The following COL1A1 variants were observed in gnomAD, a reference collection of about 807,000 sequenced individuals.
COL1A1 encodes collagen type I alpha 1 chain.
COL1A1 carries 21 observed loss-of-function variants against 195.7 expected under a neutral mutation model. The observed-to-expected ratio is 0.11, with a 90% CI of 0.08 to 0.15. COL1A1 has a LOEUF of 0.15. Among genes scored for constraint, COL1A1 ranks in the 10% least tolerant of loss-of-function variants. COL1A1 has a pLI of 1.00. For synonymous variants in COL1A1, 749 were observed against 747.3 expected, an observed-to-expected ratio of 1.00 and a Z score of -0.04; for missense variants, 1,365 against 2,051.0, an observed-to-expected ratio of 0.67 and a Z score of 6.46.
chr17:50,191,114 G>A lies in COL1A1; in HGVS notation c.2236-190C>T, dbSNP rs558967483. Among the ~76,000 whole-genome samples the A allele has an allele frequency of 7.2e-5, 11 of 152,234 alleles. No individual in the cohort carries two copies. The East Asian group carries it at 2.1e-3, about 29-fold the overall frequency. On this transcript the variant is annotated intron_variant, in intron 32 of 50. Coordinates refer to ENST00000225964, the MANE Select transcript of COL1A1 (RefSeq NM_000088.4). Reference sequence around the variant, plus strand: ...GACTCAGGTGGAACTGAGGTTAAGAGGCCCCTGACTTGTGTAGCGGGATGA... The same window carrying A: ...GACTCAGGTGGAACTGAGGTTAAGAAGCCCCTGACTTGTGTAGCGGGATGA...
Position 50,187,239 on chromosome 17 carries a change from C to T in COL1A1, c.3424-117G>A, listed in dbSNP as rs559577576. ...TGGCCCCACGGCTCATAGAGCCAGC[C>T]TCAGCCTCTTTCCATAGGACATGCC... On this transcript the variant is annotated intron_variant, in intron 46 of 50. Coordinates refer to ENST00000225964, the MANE Select transcript of COL1A1 (RefSeq NM_000088.4). 116 of 942,408 alleles carry T rather than the reference C, an allele frequency of 1.2e-4. No individual in the cohort carries two copies. The African/African-American group carries it at 1.8e-3, about 14-fold the overall frequency. The allele number at this position is 942,408 out of a possible 1,614,324, so 58.4% of individuals were successfully genotyped here. A position where few individuals can be genotyped will look rare whatever the true frequency, so the allele number is the denominator to read the frequency against.
rs1235101066 is a variant in COL1A1 at position 50,195,970 on chromosome 17, TG to T, written c.1008del (p.Thr337ProfsTer204). The T allele has an allele frequency of 6.3e-7, 1 of 1,594,508 alleles. No individual in the cohort carries two copies. The highest frequency in any genetic ancestry group is 8.5e-7 in the Non-Finnish European group (1 of 1,170,212). ...AAGCCAGGAGGACCAGCGGGGCCGG[TG>T]GGACCCTGTGAATGAAATGGAGATG... The part of the protein sequence containing the change: ...GATGAAGPPG[P>X]TGPAGPPGFP... On this transcript the variant is annotated frameshift_variant, in exon 16 of 51. Coordinates refer to ENST00000225964, the MANE Select transcript of COL1A1 (RefSeq NM_000088.4). LOFTEE classifies it high-confidence loss of function. This position sits in a 1 kb window ranked among gnomAD's most constrained non-coding sequence, Gnocchi z 4.3.
chr17:50,197,154 A>G (rs879731231), intron 10 of COL1A1, 26 bp downstream of exon 10: 12 of 1,614,040 alleles, frequency 7.4e-6, no homozygotes, highest in Non-Finnish European at 9.3e-6. Context: ...AGTGAAGCCC[A>G]GGTTCAGCCA....
At position 50,194,655 on chromosome 17, in the gene COL1A1, CCG is replaced by C. The variant is rs1907407137; in HGVS notation, c.1462-31_1462-30del. On this transcript the variant is annotated intron_variant, in intron 21 of 50. Transcript: ENST00000225964. This position sits in a 1 kb window ranked among gnomAD's most constrained non-coding sequence, Gnocchi z 6.8. The stretch of plus-strand genomic sequence containing the variant: ...CAGGAGGAGAGGAGGCCAGTGAACT[CCG>C]CGACACACAGGCACCAGCCAGGCAA... 1 of 1,557,548 alleles carries C rather than the reference CCG, an allele frequency of 6.4e-7. No individual in the cohort carries two copies. Among genetic ancestry groups the C allele is most frequent in the Non-Finnish European group, 8.7e-7 (1 of 1,150,308 alleles).
chr17:50,187,117 G>A lies in COL1A1; in HGVS notation c.3429C>T (p.Pro1143=), dbSNP rs762386727. The stretch of plus-strand genomic sequence containing the variant: ...TGCCAGGAGCACCAGCAGAGCCAGG[G>A]GGACCCTGGAGTGGGGGAAATGGTT... ...GASGPAGPRG[P]PGSAGAPGKD... Residue 1143 remains proline (P), a synonymous_variant, in exon 47 of 51, where the codon CCC becomes CCT. Transcript: ENST00000225964. 6 of 1,608,026 alleles carry A rather than the reference G, an allele frequency of 3.7e-6. No homozygotes were observed. The East Asian group carries it at 9.0e-5, about 24-fold the overall frequency.
chr17:50,193,842 C>T, intron 25 of COL1A1, 101 bp downstream of exon 25: 1 of 1,052,710 alleles, frequency 9.5e-7, no homozygotes, highest in East Asian at 2.5e-5. Context: ...TGAGTGGCCA[C>T]ACGGCAGGTC....
Position 50,193,992 on chromosome 17 carries a change from G to C in COL1A1, c.1718C>G (p.Ala573Gly), listed in dbSNP as rs1457362728. The C allele has an allele frequency of 6.8e-6, 11 of 1,614,170 alleles. No individual in the cohort carries two copies. Among genetic ancestry groups the C allele is most frequent in the Non-Finnish European group, 9.3e-6 (11 of 1,180,038 alleles). The change falls in exon 25 of 51, where the codon GCC (alanine) becomes GGC (glycine). Residue 573 changes from alanine to glycine, a missense_variant. Transcript: ENST00000225964. The stretch of plus-strand genomic sequence containing the variant: ...TCCCATCACACCAGCCTGACCACGG[G>C]CACCAGGTGGGCCTGGGGGTCCGGG... Reference protein sequence around the residue: ...GRPGPPGPPGARGQAGVMGFP... With the variant: ...GRPGPPGPPGGRGQAGVMGFP...
rs41316649 is a variant in COL1A1 at position 50,194,696 on chromosome 17, G to A, written c.1461+25C>T. The A allele has an allele frequency of 1.3e-6, 2 of 1,559,974 alleles. No homozygotes were observed. Among genetic ancestry groups the A allele is most frequent in the African/African-American group, 1.4e-5 (1 of 73,322 alleles). On this transcript the variant is annotated intron_variant, in intron 21 of 50. Coordinates refer to ENST00000225964, the MANE Select transcript of COL1A1 (RefSeq NM_000088.4). The surrounding 1 kb of genome is among the most constrained non-coding windows in gnomAD (Gnocchi z 6.8). ...CCAGCCAGGCAATGAGGGTGGAGCG[G>A]GAGGGGGCGGGCAGGGACACTTACA... is the stretch of plus-strand genomic sequence containing the variant.
rs780292455 is a variant in COL1A1 at position 50,195,184 on chromosome 17, A to G, written c.1299+48T>C. The stretch of plus-strand genomic sequence containing the variant: ...TTCCTGCTCCCCAGATGAGAGCCGC[A>G]CTGGAGCCAGTGCATGGGGTGGGCA... On this transcript the variant is annotated intron_variant, in intron 19 of 50. Coordinates refer to ENST00000225964, the MANE Select transcript of COL1A1 (RefSeq NM_000088.4). This position sits in a 1 kb window ranked among gnomAD's most constrained non-coding sequence, Gnocchi z 4.3. 2 of 1,607,136 alleles carry G rather than the reference A, an allele frequency of 1.2e-6. No individual in the cohort carries two copies. The highest frequency in any genetic ancestry group is 1.3e-5 in the African/African-American group (1 of 74,846).
chr17:50,192,756 C>T, intron 27 of COL1A1, 41 bp downstream of exon 27: 1 of 1,614,038 alleles, frequency 6.2e-7, no homozygotes, highest in Non-Finnish European at 8.5e-7. Context: ...AGGGTGTCTC[C>T]CCTTTTCTGC....
In COL1A1 at chr17:50,185,589, G is replaced by T. The variant is rs760417442; in HGVS notation, c.4308C>A (p.Arg1436=). The T allele has an allele frequency of 6.2e-7, 1 of 1,614,054 alleles. No individual in the cohort carries two copies. Among genetic ancestry groups the T allele is most frequent in the South Asian group, 1.1e-5 (1 of 91,064 alleles). ...AGGGGGCCACATCGATGATGGGCAG[G>T]CGGGAGGTCTTGGTGGTTTTGTATT... is the stretch of plus-strand genomic sequence containing the variant. The part of the protein sequence containing the change: ...VIEYKTTKTS[R]LPIIDVAPLD... Residue 1436 remains arginine (R), a synonymous_variant, in exon 51 of 51, where the codon CGC becomes CGA. Coordinates refer to ENST00000225964, the MANE Select transcript of COL1A1 (RefSeq NM_000088.4).
Position 50,188,572 on chromosome 17 carries a change from G to T in COL1A1, c.3165C>A (p.Gly1055=). Residue 1055 remains glycine (G), a synonymous_variant, in exon 43 of 51, where the codon GGC becomes GGA. Coordinates refer to ENST00000225964, the MANE Select transcript of COL1A1 (RefSeq NM_000088.4). This position sits in a 1 kb window ranked among gnomAD's most constrained non-coding sequence, Gnocchi z 5.6. ...CACTCTTGCCAGCAGGGCCAACGGGGCCAGGGGCACCAGGAGCACCAGGAG... is the reference window on the plus strand; with the variant it reads ...CACTCTTGCCAGCAGGGCCAACGGGTCCAGGGGCACCAGGAGCACCAGGAG... The part of the protein sequence containing the change: ...PGAPGAPGAP[G]PVGPAGKSGD... 2 of 1,614,074 alleles carry T rather than the reference G, an allele frequency of 1.2e-6. No individual in the cohort carries two copies. Among genetic ancestry groups the T allele is most frequent in the Non-Finnish European group, 1.7e-6 (2 of 1,180,002 alleles).
chr17:50,186,283 T>C lies in COL1A1; in HGVS notation c.4005+34A>G. ...CTTCTGAGCACTGGGCTAGCCCATC[T>C]CCTAACACTGGCTCTGAGGTCCAGC... On this transcript the variant is annotated intron_variant, in intron 49 of 50. Transcript: ENST00000225964. The surrounding 1 kb of genome is among the most constrained non-coding windows in gnomAD (Gnocchi z 5.3). 2.5e-6 allele frequency: 4 copies of C among 1,613,228 alleles called. No individual in the cohort carries two copies. Among genetic ancestry groups the C allele is most frequent in the Non-Finnish European group, 3.4e-6 (4 of 1,179,844 alleles).
chr17:50,199,522 C>T (rs771076396), intron 3 of COL1A1, 34 bp downstream of exon 3: 2 of 1,614,172 alleles, frequency 1.2e-6, no homozygotes, highest in Admixed American at 3.3e-5. Flanking sequence ...AGTCACGGGC[C>T]GCGCAGGGGC....
In COL1A1 at chr17:50,186,124, T is replaced by C. The variant is rs1336330038; in HGVS notation, c.4006-104A>G. The C allele has an allele frequency of 1.0e-5, 16 of 1,562,794 alleles. No homozygotes were observed. The African/African-American group carries it at 2.2e-4, about 21-fold the overall frequency. On this transcript the variant is annotated intron_variant, in intron 49 of 50. Transcript: ENST00000225964. This position sits in a 1 kb window ranked among gnomAD's most constrained non-coding sequence, Gnocchi z 5.3. ...CCTCAGAGAGCTGCCCAATGCACCG[T>C]TATATCGAGAGGAGGCACCACCTGC...
intron 45 of COL1A1, 21 bp from the exon 46 acceptor site, chr17:50,187,558 G>A (rs756983416): frequency 6.2e-6 from 10 of 1,613,676 alleles, no homozygotes; most frequent in South Asian, 2.2e-5. Context: ...GATAAAAAAG[G>A]CAGTTCAGGC....
At position 50,189,218 on chromosome 17, in the gene COL1A1, G is replaced by A. The variant is rs1803697724; in HGVS notation, c.2887C>T (p.Leu963=). 4 of 1,613,788 alleles carry A rather than the reference G, an allele frequency of 2.5e-6. No individual in the cohort carries two copies. Among genetic ancestry groups the A allele is most frequent in the Non-Finnish European group, 3.4e-6 (4 of 1,179,886 alleles). ...GIAGQRGVVG[L]PGQRGERGFP... ...CCTCTCTCTCCTCTCTGACCAGGCA[G>A]GCCGACCACACCACGCTGTCCAGCA... Residue 963 remains leucine (L), a synonymous_variant, in exon 40 of 51, where the codon CTG becomes TTG. Transcript: ENST00000225964. The surrounding 1 kb of genome is among the most constrained non-coding windows in gnomAD (Gnocchi z 5.5).
intron 31 of COL1A1, 115 bp downstream of exon 31, chr17:50,191,673 C>A: frequency 7.8e-7 from 1 of 1,278,014 alleles, no homozygotes; most frequent in Non-Finnish European, 1.1e-6. Flanking sequence ...GTCTTTTCCC[C>A]CCACCCCACA....
chr17:50,186,123 G>T lies in COL1A1; in HGVS notation c.4006-103C>A. 6 of 1,559,964 alleles carry T rather than the reference G, an allele frequency of 3.8e-6. No homozygotes were observed. Among genetic ancestry groups the T allele is most frequent in the Non-Finnish European group, 4.3e-6 (5 of 1,152,006 alleles). ...TCCTCAGAGAGCTGCCCAATGCACC[G>T]TTATATCGAGAGGAGGCACCACCTG... On this transcript the variant is annotated intron_variant, in intron 49 of 50. Coordinates refer to ENST00000225964, the MANE Select transcript of COL1A1 (RefSeq NM_000088.4). The surrounding 1 kb of genome is among the most constrained non-coding windows in gnomAD (Gnocchi z 5.3).
Sources: allele counts gnomAD v4.1 joint callset (sites outside exome capture counted in the v4.1 genomes callset), GRCh38; gene constraint gnomAD v4.1.1; non-coding constraint Gnocchi (gnomAD v3.1); transcripts MANE v1.5; gene names NCBI Gene and HGNC (gene_info 2026-07-23, HGNC 2026-07-21).